Variants in MORN4 observed in about 807,000 individuals in gnomAD.
The protein encoded by MORN4 is MORN repeat-containing protein 4.
In MORN4, 8 loss-of-function variants were observed where a neutral mutation model predicts 16.4. The observed-to-expected ratio is 0.49, with a 90% confidence interval of 0.29 to 0.88. MORN4 has a LOEUF of 0.88. MORN4 is among the 40% of genes least tolerant of loss of function. MORN4 has a pLI of 0.09. For synonymous variants in MORN4, 53 were observed against 68.9 expected (o/e 0.77, Z 1.14); for missense variants, 159 against 182.9 (o/e 0.87, Z 0.75).
intron 1 of MORN4, among the ~76,000 whole-genome samples, chr10:97,625,404 G>A (rs1432802251): frequency 6.6e-6 from 1 of 152,004 alleles, no homozygotes; most frequent in East Asian, 1.9e-4. Flanking sequence ...GTTGGCAGGT[G>A]GATTAAATTA....
intron 1 of MORN4, among the ~76,000 whole-genome samples, chr10:97,632,449 C>T (rs1192650497): frequency 1.3e-5 from 2 of 151,996 alleles, no homozygotes; most frequent in East Asian, 1.9e-4. Context: ...GAACTCCTGA[C>T]TTCGTGATCC....
Position 97,618,353 on chromosome 10 carries a change from C to T in MORN4, c.68-1031G>A, listed in dbSNP as rs935727147. Reference sequence around the variant, plus strand: ...GATCTTGGCTCACTGTAACCTCCGCCTCCTGGTTTTAAATGATTCTCCTCC... The same window carrying T: ...GATCTTGGCTCACTGTAACCTCCGCTTCCTGGTTTTAAATGATTCTCCTCC... On this transcript the variant is annotated intron_variant, in intron 2 of 4. Coordinates refer to ENST00000307450, the MANE Select transcript of MORN4 (RefSeq NM_178832.4). Among the ~76,000 whole-genome samples the T allele has an allele frequency of 9.4e-5, 14 of 149,718 alleles. No individual in the cohort carries two copies. In the Admixed American group the frequency reaches 9.4e-4, roughly 10 times the overall value.
chr10:97,621,211 GC>G (rs2041290313), intron 1 of MORN4, among the ~76,000 whole-genome samples: 1 of 152,144 alleles, frequency 6.6e-6, no homozygotes, highest in Admixed American at 6.6e-5. Flanking sequence ...AGAAATAGAA[GC>G]CCAGAGAGGT....
intron 1 of MORN4, among the ~76,000 whole-genome samples, chr10:97,628,396 A>G (rs956761687): frequency 6.6e-6 from 1 of 152,214 alleles, no homozygotes; most frequent in Admixed American, 6.5e-5. Context: ...GCTACGTGAA[A>G]CTTCCAAAGA....
chr10:97,618,405 CAA>C (rs753882831), intron 2 of MORN4, among the ~76,000 whole-genome samples: 1 of 151,618 alleles, frequency 6.6e-6, no homozygotes, highest in Non-Finnish European at 1.5e-5. Flanking sequence ...GCTGGGATTA[CAA>C]AGTGTTGGGA....
chr10:97,627,342 C>T (rs2041357657), intron 1 of MORN4, among the ~76,000 whole-genome samples: 1 of 151,998 alleles, frequency 6.6e-6, no homozygotes, highest in African/African-American at 2.4e-5. Context: ...CAGGGTTTCA[C>T]CATGTTGGCC....
intron 1 of MORN4, among the ~76,000 whole-genome samples, chr10:97,626,710 C>T (rs1037201930): frequency 9.9e-5 from 15 of 150,914 alleles, no homozygotes; most frequent in African/African-American, 3.7e-4. Flanking sequence ...CCCATCTCAG[C>T]CTTCCAAAGT....
chr10:97,634,015 G>A (rs2041420289), upstream of MORN4, among the ~76,000 whole-genome samples: 3 of 152,106 alleles, frequency 2.0e-5, no homozygotes. Flanking sequence ...CTGGCCAGGC[G>A]CAGTGGCTCA....
rs1277882198 is a variant in MORN4 at position 97,633,207 on chromosome 10, C to T, written c.-31+140G>A. 1 of 1,068,012 alleles carries T rather than the reference C, an allele frequency of 9.4e-7. No homozygotes were observed. Among genetic ancestry groups the T allele is most frequent in the African/African-American group, 1.6e-5 (1 of 61,052 alleles). 66.2% of individuals were successfully genotyped at this position (1,068,012 alleles called of 1,614,324 possible). On this transcript the variant is annotated intron_variant, in intron 1 of 4. Transcript: ENST00000307450. The surrounding 1 kb of genome is among the most constrained non-coding windows in gnomAD (Gnocchi z 4.5). Reference sequence around the variant, plus strand: ...CTAAAGGGTTCAGGTTTGGGTCCCCCACAGGCAACCGCCCTCAGGTCAGCG... The same window carrying T: ...CTAAAGGGTTCAGGTTTGGGTCCCCTACAGGCAACCGCCCTCAGGTCAGCG...
intron 1 of MORN4, among the ~76,000 whole-genome samples, chr10:97,620,719 T>C (rs969542168): frequency 5.9e-5 from 9 of 151,986 alleles, no homozygotes; most frequent in African/African-American, 2.2e-4. Context: ...GACTCACACC[T>C]GTAATCCCAG....
At chr10:97,633,701 C>T (rs1222650446), upstream of MORN4, 4 of 1,186,016 alleles carry the variant, frequency 3.4e-6, no homozygotes, top group East Asian at 5.8e-5. This position sits in a 1 kb window ranked among gnomAD's most constrained non-coding sequence, Gnocchi z 4.5. Context: ...ACCCAGAGGC[C>T]GTCTAGTTGA....
chr10:97,622,494 T>C (rs1160236828), intron 1 of MORN4, among the ~76,000 whole-genome samples: 1 of 151,976 alleles, frequency 6.6e-6, no homozygotes, highest in African/African-American at 2.4e-5. Flanking sequence ...GAGACCAGCC[T>C]GGGCAATATG....
upstream of MORN4, chr10:97,633,532 C>A (rs267602659): frequency 1.6e-6 from 2 of 1,289,896 alleles, no homozygotes; most frequent in Middle Eastern, 2.1e-4. This position sits in a 1 kb window ranked among gnomAD's most constrained non-coding sequence, Gnocchi z 4.5. Context: ...TTGGCTGTTA[C>A]CTAGGCAACC....
At chr10:97,623,770 C>G (rs918117924) in intron 1 of MORN4, among the ~76,000 whole-genome samples, 1 of 150,092 alleles carries the variant, frequency 6.7e-6, no homozygotes, top group Non-Finnish European at 1.5e-5. Context: ...GAGTCTCACT[C>G]TGTTGCCCAG....
chr10:97,620,833 A>G (rs1460307018), intron 1 of MORN4, among the ~76,000 whole-genome samples: 1 of 151,986 alleles, frequency 6.6e-6, no homozygotes, highest in Admixed American at 6.6e-5. Flanking sequence ...ATTAAAAAAC[A>G]AAAAATAGGC....
chr10:97,616,598 G>A (rs925370249), intron 4 of MORN4, 80 bp downstream of exon 4: 47 of 1,322,634 alleles, frequency 3.6e-5, no homozygotes, highest in East Asian at 1.1e-4. Flanking sequence ...CTGGACACCC[G>A]CAGGATTAAA....
chr10:97,628,530 T>C (rs927319324), intron 1 of MORN4, among the ~76,000 whole-genome samples: 6 of 151,534 alleles, frequency 4.0e-5, no homozygotes, highest in Admixed American at 6.6e-5. Flanking sequence ...TAACCACTTT[T>C]TTTCTTTCTT....
At chr10:97,617,806 G>A (rs907057294) in intron 2 of MORN4, among the ~76,000 whole-genome samples, 1 of 152,064 alleles carries the variant, frequency 6.6e-6, no homozygotes, top group African/African-American at 2.4e-5. Context: ...GTTTCAGTGA[G>A]CTGAGATCGC....
In MORN4 at chr10:97,619,261, G is replaced by A. The variant is rs941336305; in HGVS notation, c.67+326C>T. 3 of 404,970 alleles carry A rather than the reference G, an allele frequency of 7.4e-6. No homozygotes were observed. The South Asian group carries it at 1.7e-4, about 23-fold the overall frequency. The allele number at this position is 404,970 out of a possible 1,614,324, so 25.1% of individuals were successfully genotyped here. ...AATCGCTTGAACCCAGGGGGCAGAG[G>A]TTGCAGTGAGCTGAGATTGCACCAC... On this transcript the variant is annotated intron_variant, in intron 2 of 4. Coordinates refer to ENST00000307450, the MANE Select transcript of MORN4 (RefSeq NM_178832.4).
Sources: allele counts gnomAD v4.1 joint callset (sites outside exome capture counted in the v4.1 genomes callset), GRCh38; gene constraint gnomAD v4.1.1; non-coding constraint Gnocchi (gnomAD v3.1); transcripts MANE v1.5; gene names NCBI Gene and HGNC (gene_info 2026-07-23, HGNC 2026-07-21).